SRP72: variants seen among roughly 807,000 people sequenced by gnomAD.
SRP72 encodes signal recognition particle 72, also known as signal recognition particle subunit SRP72.
SRP72 carries 49 observed loss-of-function variants against 96.3 expected under a neutral mutation model. The observed-to-expected ratio is 0.51, with a 90% CI of 0.40 to 0.65. The LOEUF (loss-of-function observed/expected upper bound fraction) is 0.65. SRP72 is among the 30% of genes least tolerant of loss of function. SRP72 has a pLI of 0.00. For missense variants in SRP72, 736 were observed against 793.3 expected, an observed-to-expected ratio of 0.93 and a Z score of 0.87; for synonymous variants, 267 against 275.2, an observed-to-expected ratio of 0.97 and a Z score of 0.30.
rs749695213 is a variant in SRP72 at position 56,501,712 on chromosome 4, C to A, written c.1867C>A (p.Pro623Thr). Residue 623 changes from proline to threonine, a missense_variant, in exon 19 of 19, where the codon CCC (proline) becomes ACC (threonine). Physicochemically the swap from Pro to Thr is conservative, Grantham distance 38. This residue lies in a region of SRP72 where 388 missense variants were observed against 431.8 expected (regional missense o/e 0.90). Transcript: ENST00000642900. ...LDASKTVSSPPTSPRPGSAAT... is the reference protein window; with the variant it reads ...LDASKTVSSPTTSPRPGSAAT... Reference sequence around the variant, plus strand: ...TGCCAGTAAAACTGTGAGCAGCCCACCCACCTCCCCAAGACCTGGCAGTGC... The same window carrying A: ...TGCCAGTAAAACTGTGAGCAGCCCAACCACCTCCCCAAGACCTGGCAGTGC... The A allele has an allele frequency of 6.2e-7, 1 of 1,614,024 alleles. No homozygotes were observed. The highest frequency in any genetic ancestry group is 1.1e-5 in the South Asian group (1 of 91,062).
At chr4:56,491,871 T>C (rs1219593017) in intron 16 of SRP72, among the ~76,000 whole-genome samples, 3 of 152,172 alleles carry the variant, frequency 2.0e-5, no homozygotes, top group Non-Finnish European at 4.4e-5. Context: ...TTTATTTGTT[T>C]GTTTGTTGAG....
In SRP72 at chr4:56,476,951, C is replaced by A. The variant is rs1391774556; in HGVS notation, c.642+249C>A. 1.1e-5 allele frequency: 5 copies of A among 435,798 alleles called. No individual in the cohort carries two copies. The East Asian group carries it at 1.2e-4, about 11-fold the overall frequency. 27.0% of individuals were successfully genotyped at this position (435,798 alleles called of 1,614,324 possible). A position where few individuals can be genotyped will look rare whatever the true frequency, so the allele number is the denominator to read the frequency against. ...ATTTATATAATGTAAATTTATTCCCCCATTTTAGGATGTAGGACTAAGGTC... is the reference window on the plus strand; with the variant it reads ...ATTTATATAATGTAAATTTATTCCCACATTTTAGGATGTAGGACTAAGGTC... On this transcript the variant is annotated intron_variant, in intron 6 of 18. Transcript: ENST00000642900.
At position 56,500,658 on chromosome 4, in the gene SRP72, G is replaced by A. The variant is rs753717613; in HGVS notation, c.1801G>A (p.Gly601Arg). 6.2e-7 allele frequency: 1 copy of A among 1,613,814 alleles called. No individual in the cohort carries two copies. The highest frequency in any genetic ancestry group is 1.1e-5 in the South Asian group (1 of 91,040). ...TAAAAAGAAGGATCAGATTGGAAAAGGGACCCAGGGAGCAACTGCAGGAGC... is the reference window on the plus strand; with the variant it reads ...TAAAAAGAAGGATCAGATTGGAAAAAGGACCCAGGGAGCAACTGCAGGAGC... ...KGKKKDQIGK[G>R]TQGATAGASS... Residue 601 changes from glycine to arginine, a missense_variant, in exon 18 of 19, where the codon GGG becomes AGG. Gly to Arg is a moderately radical substitution (Grantham distance 125). Around this residue, in one of 3 missense-constraint regions of SRP72, gnomAD observed 388 missense variants for 431.8 expected, o/e 0.90. Coordinates refer to ENST00000642900, the MANE Select transcript of SRP72 (RefSeq NM_006947.4).
intron 3 of SRP72, among the ~76,000 whole-genome samples, chr4:56,473,253 A>T (rs755456948): frequency 4.2e-4 from 64 of 151,906 alleles, no homozygotes; most frequent in Non-Finnish European, 7.8e-4. Context: ...AGGTCAGGAG[A>T]TCGAGACCAT....
Position 56,474,376 on chromosome 4 carries a change from C to G in SRP72, c.595C>G (p.Leu199Val). Reference protein sequence around the residue: ...QGQLNQAMKILQKAEDLCRRS... With the variant: ...QGQLNQAMKIVQKAEDLCRRS... ...CCAGCTGAACCAGGCCATGAAAATC[C>G]TACAAAAAGCTGAAGGTTGGAAGTT... Residue 199 changes from leucine to valine, a missense_variant, in exon 5 of 19, where the codon CTA (leucine) becomes GTA (valine). Physicochemically the swap from Leu to Val is conservative, Grantham distance 32. Coordinates refer to ENST00000642900, the MANE Select transcript of SRP72 (RefSeq NM_006947.4). 6.2e-7 allele frequency: 1 copy of G among 1,613,616 alleles called. No homozygotes were observed. Among genetic ancestry groups the G allele is most frequent in the Non-Finnish European group, 8.5e-7 (1 of 1,179,902 alleles).
At chr4:56,484,687 A>C in intron 9 of SRP72, 49 bp from the exon 10 acceptor site, 1 of 1,606,040 alleles carries the variant, frequency 6.2e-7, no homozygotes, top group Non-Finnish European at 8.5e-7. Flanking sequence ...TTTAGTGTTT[A>C]ATTTCATTAA....
chr4:56,488,343 C>A (rs937259458), intron 12 of SRP72, among the ~76,000 whole-genome samples: 5 of 152,098 alleles, frequency 3.3e-5, no homozygotes, highest in Admixed American at 1.3e-4. Context: ...ATAATTGTGG[C>A]CAACAAATTT....
At chr4:56,482,851 C>T (rs1020854529) in intron 8 of SRP72, among the ~76,000 whole-genome samples, 3 of 152,072 alleles carry the variant, frequency 2.0e-5, no homozygotes, top group East Asian at 3.8e-4. Context: ...ACTTGTTAAG[C>T]CTTTTTATAC....
intron 9 of SRP72, among the ~76,000 whole-genome samples, chr4:56,483,945 A>G (rs1204546025): frequency 2.0e-5 from 3 of 151,956 alleles, no homozygotes; most frequent in Admixed American, 6.6e-5. Flanking sequence ...AAGGAAGTCA[A>G]TTCTAACTCC....
At chr4:56,481,962 C>A (rs918907933) in intron 8 of SRP72, among the ~76,000 whole-genome samples, 4 of 150,868 alleles carry the variant, frequency 2.7e-5, no homozygotes, top group African/African-American at 9.7e-5. Flanking sequence ...GGGGGTTTCA[C>A]CATGTTGGCC....
At chr4:56,482,131 G>A (rs1364988334) in intron 8 of SRP72, among the ~76,000 whole-genome samples, 1 of 146,484 alleles carries the variant, frequency 6.8e-6, no homozygotes, top group Non-Finnish European at 1.5e-5. Flanking sequence ...TTTTAGCATT[G>A]AAGTATTTTT....
chr4:56,485,710 G>A (rs1333742411), intron 10 of SRP72, among the ~76,000 whole-genome samples: 1 of 152,088 alleles, frequency 6.6e-6, no homozygotes, highest in East Asian at 1.9e-4. Context: ...GCTGAGGCAG[G>A]AGAATCACTT....
At chr4:56,486,183 C>A in intron 10 of SRP72, 142 bp from the exon 11 acceptor site, 1 of 573,380 alleles carries the variant, frequency 1.7e-6, no homozygotes, top group Non-Finnish European at 2.9e-6. Context: ...AAAATTTCCC[C>A]AAGTTAAGAT....
At position 56,475,485 on chromosome 4, in the gene SRP72, C is replaced by CT. The variant is rs1720174490; in HGVS notation, c.610+1095dup. Among the ~76,000 whole-genome samples the CT allele has an allele frequency of 2.0e-5, 3 of 149,892 alleles. No homozygotes were observed. The South Asian group carries it at 6.3e-4, about 31-fold the overall frequency. ...CTGAGGCAGCAGGGCCTAGGAGGGC[C>CT]TAGGAGGTTGAGGCTCCAGTGAGCT... On this transcript the variant is annotated intron_variant, in intron 5 of 18. Coordinates refer to ENST00000642900, the MANE Select transcript of SRP72 (RefSeq NM_006947.4).
intron 17 of SRP72, among the ~76,000 whole-genome samples, chr4:56,498,045 T>C (rs1473361662): frequency 1.3e-5 from 2 of 152,186 alleles, no homozygotes; most frequent in Non-Finnish European, 2.9e-5. Flanking sequence ...AGGATTTTTT[T>C]CCACTCCTCT....
intron 6 of SRP72, 103 bp downstream of exon 6, chr4:56,476,805 A>G: frequency 8.4e-7 from 1 of 1,196,058 alleles, no homozygotes. Context: ...GAAGATGGCA[A>G]TTCATTAAGT....
chr4:56,493,016 A>T (rs1397107374), intron 16 of SRP72, among the ~76,000 whole-genome samples: 1 of 152,104 alleles, frequency 6.6e-6, no homozygotes, highest in Non-Finnish European at 1.5e-5. Context: ...AAGTTTTTTT[A>T]AATAATCTTT....
intron 8 of SRP72, among the ~76,000 whole-genome samples, chr4:56,481,571 T>C (rs1230969355): frequency 6.6e-6 from 1 of 151,918 alleles, no homozygotes; most frequent in Admixed American, 6.6e-5. Context: ...AAACAGTAGA[T>C]ATGTTACATG....
intron 18 of SRP72, 51 bp downstream of exon 18, chr4:56,500,746 G>A: frequency 6.5e-7 from 1 of 1,537,386 alleles, no homozygotes; most frequent in South Asian, 1.2e-5. Flanking sequence ...GTTGTTTCTA[G>A]ATTGACTCAA....
Sources: allele counts gnomAD v4.1 joint callset (sites outside exome capture counted in the v4.1 genomes callset), GRCh38; gene constraint gnomAD v4.1.1; regional missense constraint gnomAD v4.1.1; transcripts MANE v1.5; gene names NCBI Gene and HGNC (gene_info 2026-07-23, HGNC 2026-07-21).